The following CCND2 variants were observed in gnomAD, a reference collection of about 807,000 sequenced individuals.
The protein encoded by CCND2 is G1/S-specific cyclin-D2.
In CCND2, 6 loss-of-function variants were observed where a neutral mutation model predicts 30.2. That is an observed-to-expected ratio of 0.20 (90% CI 0.11 to 0.39). The LOEUF (loss-of-function observed/expected upper bound fraction) is 0.39, where lower values mean the gene tolerates loss of function less well. CCND2 is among the 10% of genes least tolerant of loss of function. The probability of loss-of-function intolerance (pLI) is 1.00; values close to 1 mark genes in which losing one functional copy is unlikely to be tolerated. For missense variants in CCND2, 235 were observed against 373.4 expected, an observed-to-expected ratio of 0.63 and a Z score of 3.06; for synonymous variants, 150 against 153.1, an observed-to-expected ratio of 0.98 and a Z score of 0.15.
chr12:4,280,380 C>T (rs1307062246), intron 3 of CCND2, among the ~76,000 whole-genome samples: 2 of 152,270 alleles, frequency 1.3e-5, no homozygotes, highest in Non-Finnish European at 2.9e-5. Context: ...GGCCCCCTGC[C>T]TGTTCATCTA....
intron 4 of CCND2, 195 bp downstream of exon 4, chr12:4,289,185 G>T: frequency 1.1e-5 from 1 of 95,094 alleles, no homozygotes; most frequent in Non-Finnish European, 2.2e-5. Context: ...GGAAAATACG[G>T]AAGAAAACTC....
rs887815042 is a variant in CCND2, at chr12:4,301,748, C to G, written c.*1739C>G. 6.5e-5 allele frequency: 12 copies of G among 183,902 alleles called. No individual in the cohort carries two copies. Among genetic ancestry groups the G allele is most frequent in the Non-Finnish European group, 1.0e-4 (9 of 88,238 alleles). 11.4% of individuals were successfully genotyped at this position (183,902 alleles called of 1,614,324 possible). A position where few individuals can be genotyped will look rare whatever the true frequency, so the allele number is the denominator to read the frequency against. On this transcript the variant is annotated 3_prime_UTR_variant, in exon 5 of 5. Transcript: ENST00000261254. ...TCCATCCTTATTCACGTTGACAGTA[C>G]CTAGCTGTAATGTTTCACAGAGTGT... is the stretch of plus-strand genomic sequence containing the variant.
chr12:4,275,888 A>C (rs1288043212), intron 1 of CCND2, 117 bp from the exon 2 acceptor site: 2 of 638,778 alleles, frequency 3.1e-6, no homozygotes, highest in Non-Finnish European at 5.3e-6. Context: ...TCCCCCTCCC[A>C]CAAAAAAAAA....
rs1328714024 is a variant in CCND2 at position 4,282,479 on chromosome 12, A to C, written c.571+3560A>C. On this transcript the variant is annotated intron_variant, in intron 3 of 4. Coordinates refer to ENST00000261254, the MANE Select transcript of CCND2 (RefSeq NM_001759.4). The surrounding 1 kb of genome is among the most constrained non-coding windows in gnomAD (Gnocchi z 4.3). Reference sequence around the variant, plus strand: ...TGAGAGGGAGACAGTGGTGGCCCAGAGAAGTTCGATGACTTGGCCCTTGAT... The same window carrying C: ...TGAGAGGGAGACAGTGGTGGCCCAGCGAAGTTCGATGACTTGGCCCTTGAT... Among the ~76,000 whole-genome samples the C allele has an allele frequency of 6.6e-6, 1 of 152,184 alleles. No homozygotes were observed. The highest frequency in any genetic ancestry group is 1.5e-5 in the Non-Finnish European group (1 of 68,028).
chr12:4,285,921 C>T lies in CCND2; in HGVS notation c.572-2921C>T, dbSNP rs950879130. Among the ~76,000 whole-genome samples the T allele has an allele frequency of 6.6e-6, 1 of 152,130 alleles. No individual in the cohort carries two copies. The highest frequency in any genetic ancestry group is 1.5e-5 in the Non-Finnish European group (1 of 68,032). On this transcript the variant is annotated intron_variant, in intron 3 of 4. Coordinates refer to ENST00000261254, the MANE Select transcript of CCND2 (RefSeq NM_001759.4). This position sits in a 1 kb window ranked among gnomAD's most constrained non-coding sequence, Gnocchi z 4.1. Reference sequence around the variant, plus strand: ...TGGAGAGGGCTGCTTTGTGAATTTGCCGGCTGGTAGACACCGTGATCCATT... The same window carrying T: ...TGGAGAGGGCTGCTTTGTGAATTTGTCGGCTGGTAGACACCGTGATCCATT...
intron 3 of CCND2, among the ~76,000 whole-genome samples, chr12:4,283,362 G>A (rs1313518057): frequency 1.3e-5 from 2 of 152,140 alleles, no homozygotes; most frequent in Non-Finnish European, 2.9e-5. Flanking sequence ...TCCCACTTCC[G>A]ACGTGAAAGG....
At chr12:4,289,119 G>C (rs1864061879) in intron 4 of CCND2, 129 bp downstream of exon 4, 1 of 802,158 alleles carries the variant, frequency 1.2e-6, no homozygotes, top group Admixed American at 3.7e-5. Flanking sequence ...ACATCCAAGG[G>C]AGTGCAAAGT....
intron 4 of CCND2, among the ~76,000 whole-genome samples, chr12:4,290,831 A>G (rs1286548372): frequency 6.6e-6 from 1 of 152,172 alleles, no homozygotes; most frequent in Non-Finnish European, 1.5e-5. Context: ...TTCTGATACT[A>G]CGTAGCCAGT....
In CCND2 at chr12:4,302,717, T is replaced by C. The variant is rs940809438; in HGVS notation, c.*2708T>C. 8.6e-6 allele frequency: 2 copies of C among 233,090 alleles called. No individual in the cohort carries two copies. The highest frequency in any genetic ancestry group is 4.4e-5 in the African/African-American group (2 of 45,316). The allele number at this position is 233,090 out of a possible 1,614,324, so 14.4% of individuals were successfully genotyped here. On this transcript the variant is annotated 3_prime_UTR_variant, in exon 5 of 5. Transcript: ENST00000261254. ...AATAGGTCAGATAAGTATGGGATGA[T>C]AGTTGAAGGGAGGTGAAGAGGCTGC...
chr12:4,290,792 C>T (rs1864091046), intron 4 of CCND2, among the ~76,000 whole-genome samples: 1 of 152,214 alleles, frequency 6.6e-6, no homozygotes, highest in African/African-American at 2.4e-5. Context: ...GTCAGTCCGT[C>T]ATCTCATCTG....
At chr12:4,298,973 C>T (rs1864211092) in intron 4 of CCND2, among the ~76,000 whole-genome samples, 1 of 152,184 alleles carries the variant, frequency 6.6e-6, no homozygotes, top group African/African-American at 2.4e-5. Context: ...AATTGGATGG[C>T]TCAAGGTTCC....
In CCND2 at chr12:4,294,313, A is replaced by G. The variant is rs537354394; in HGVS notation, c.720+5323A>G. On this transcript the variant is annotated intron_variant, in intron 4 of 4. Coordinates refer to ENST00000261254, the MANE Select transcript of CCND2 (RefSeq NM_001759.4). ...AAGGGGGCAAGGGAGGGGGCCTATC[A>G]TCATAGAAGTTGGAGGTCTGCCCGA... Among the ~76,000 whole-genome samples, 293 of 152,186 alleles carry G rather than the reference A, an allele frequency of 1.9e-3. 3 individuals are homozygous for G. The highest frequency in any genetic ancestry group is 6.3e-3 in the African/African-American group (262 of 41,524).
intron 4 of CCND2, among the ~76,000 whole-genome samples, chr12:4,295,882 C>G: frequency 6.6e-6 from 1 of 152,234 alleles, no homozygotes; most frequent in East Asian, 1.9e-4. Flanking sequence ...TGAAACCTTC[C>G]TCTGTTTTAT....
rs1392101461 is a variant in CCND2 at position 4,293,862 on chromosome 12, A to C, written c.720+4872A>C. Among the ~76,000 whole-genome samples, 1 of 151,924 alleles carries C rather than the reference A, an allele frequency of 6.6e-6. No individual in the cohort carries two copies. The highest frequency in any genetic ancestry group is 3.2e-3 in the Middle Eastern group (1 of 316). On this transcript the variant is annotated intron_variant, in intron 4 of 4. Coordinates refer to ENST00000261254, the MANE Select transcript of CCND2 (RefSeq NM_001759.4). The surrounding 1 kb of genome is among the most constrained non-coding windows in gnomAD (Gnocchi z 4.9). ...AGGGCCTGTGGTCAGGAACCTTGTG[A>C]AGTGTTGCTGGAAGCTGGGGGTGGG...
In CCND2 at chr12:4,276,695, T is replaced by C. The variant is rs1018154848; in HGVS notation, c.411+475T>C. Among the ~76,000 whole-genome samples, 1 of 152,234 alleles carries C rather than the reference T, an allele frequency of 6.6e-6. No homozygotes were observed. The highest frequency in any genetic ancestry group is 1.5e-5 in the Non-Finnish European group (1 of 68,046). ...AAAGTCTCAAGATACCAACACATAA[T>C]AGCTGTTCACTAAATATCAGTTCAT... On this transcript the variant is annotated intron_variant, in intron 2 of 4. Transcript: ENST00000261254. This position sits in a 1 kb window ranked among gnomAD's most constrained non-coding sequence, Gnocchi z 4.8.
chr12:4,286,250 G>A (rs190763683), intron 3 of CCND2, among the ~76,000 whole-genome samples: 111 of 152,262 alleles, frequency 7.3e-4, no homozygotes, highest in Non-Finnish European at 8.5e-4. Flanking sequence ...TGCTGGTCAC[G>A]ACCCACAAAT....
chr12:4,300,759 C>A lies in CCND2; in HGVS notation c.*750C>A. ...ATTGCAGACACCACCATATTGCTAT[C>A]TAATGGGGAAATGTAGCTATGGGCC... On this transcript the variant is annotated 3_prime_UTR_variant, in exon 5 of 5. Coordinates refer to ENST00000261254, the MANE Select transcript of CCND2 (RefSeq NM_001759.4). 1 of 233,680 alleles carries A rather than the reference C, an allele frequency of 4.3e-6. No homozygotes were observed. Among genetic ancestry groups the A allele is most frequent in the East Asian group, 6.0e-5 (1 of 16,592 alleles). The allele number at this position is 233,680 out of a possible 1,614,324, so 14.5% of individuals were successfully genotyped here.
At chr12:4,291,690 C>A (rs1864103067) in intron 4 of CCND2, among the ~76,000 whole-genome samples, 1 of 152,226 alleles carries the variant, frequency 6.6e-6, no homozygotes. Context: ...GGCCTCCCAG[C>A]AGAGAAAACT....
chr12:4,278,926 T>A lies in CCND2; in HGVS notation c.571+7T>A, dbSNP rs1300329149. ...ATTGCTCTGTGTGCCACCGGTAAGA[T>A]GAGGCTTGAGCCGGGGAGGGAGATG... On this transcript the variant is annotated splice_region_variant and intron_variant, in intron 3 of 4. Transcript: ENST00000261254. 4.4e-6 allele frequency: 7 copies of A among 1,606,160 alleles called. No homozygotes were observed. In the South Asian group the frequency reaches 7.7e-5, roughly 18 times the overall value.
Sources: allele counts gnomAD v4.1 joint callset (sites outside exome capture counted in the v4.1 genomes callset), GRCh38; gene constraint gnomAD v4.1.1; non-coding constraint Gnocchi (gnomAD v3.1); transcripts MANE v1.5; gene names NCBI Gene and HGNC (gene_info 2026-07-23, HGNC 2026-07-21).